Variants in ZNF277 observed in about 807,000 individuals in gnomAD.
ZNF277 encodes the protein zinc finger protein 277.
Under a neutral mutation model 60.7 loss-of-function variants are expected in ZNF277, and 55 were observed. The observed-to-expected ratio is 0.91, with a 90% CI of 0.73 to 1.13. The LOEUF is 1.13. ZNF277 is among the 50% of genes most tolerant of loss of function. The probability of loss-of-function intolerance (pLI) is 0.00; values close to 1 mark genes in which losing one functional copy is unlikely to be tolerated. For synonymous variants in ZNF277, 178 were observed against 179.3 expected, an observed-to-expected ratio of 0.99 and a Z score of 0.06; for missense variants, 510 against 523.0, an observed-to-expected ratio of 0.98 and a Z score of 0.24.
chr7:112,321,305 A>G (rs1295619630), intron 5 of ZNF277, among the ~76,000 whole-genome samples: 2 of 152,042 alleles, frequency 1.3e-5, no homozygotes, highest in African/African-American at 2.4e-5. Context: ...ATTGAAAACA[A>G]TCTGTTTCAG....
At chr7:112,301,222 C>T (rs1004313825) in intron 4 of ZNF277, among the ~76,000 whole-genome samples, 11 of 151,896 alleles carry the variant, frequency 7.2e-5, no homozygotes, top group Admixed American at 6.6e-4. Flanking sequence ...AGGCTGGTCT[C>T]GAACTCCTGG....
At chr7:112,241,201 C>T (rs1337426199) in intron 1 of ZNF277, among the ~76,000 whole-genome samples, 2 of 151,516 alleles carry the variant, frequency 1.3e-5, no homozygotes, top group African/African-American at 2.4e-5. Context: ...GAGCAAAAGA[C>T]CTAAGGAGAC....
At position 112,241,350 on chromosome 7, in the gene ZNF277, A is replaced by G. The variant is rs138816443; in HGVS notation, c.91+34543A>G. ...AGTTAAAATGGCTTTCATGCAAAAG[A>G]CAAGCAATAACAAATCCTGGCAAGG... On this transcript the variant is annotated intron_variant, in intron 1 of 11. Coordinates refer to ENST00000361822, the MANE Select transcript of ZNF277 (RefSeq NM_021994.3). 4.1e-3 allele frequency among the ~76,000 whole-genome samples: 625 copies of G among 152,262 alleles called. 3 individuals carry two copies. Among genetic ancestry groups the G allele is most frequent in the African/African-American group, 0.014 (574 of 41,558 alleles).
intron 1 of ZNF277, among the ~76,000 whole-genome samples, chr7:112,245,594 G>A (rs540717470): frequency 9.5e-4 from 145 of 152,286 alleles, no homozygotes; most frequent in Admixed American, 1.7e-3. Context: ...CTTCTCGACT[G>A]TGAGGGAGAA....
chr7:112,274,065 T>C (rs1791740822), intron 1 of ZNF277, among the ~76,000 whole-genome samples: 1 of 151,370 alleles, frequency 6.6e-6, no homozygotes, highest in African/African-American at 2.4e-5. Flanking sequence ...ATATATCTTG[T>C]TAGAAAAGTT....
intron 9 of ZNF277, 59 bp from the exon 10 acceptor site, chr7:112,339,784 C>G (rs2117145838): frequency 2.0e-6 from 3 of 1,529,700 alleles, no homozygotes; most frequent in Non-Finnish European, 2.7e-6. Context: ...TTGTTTATAA[C>G]TTCAGCCTGA....
intron 1 of ZNF277, among the ~76,000 whole-genome samples, chr7:112,275,388 T>A (rs1180346954): frequency 6.6e-6 from 1 of 152,182 alleles, no homozygotes; most frequent in African/African-American, 2.4e-5. Flanking sequence ...AAATGAAATG[T>A]CTTTGATGTG....
chr7:112,220,251 A>G (rs1261934431), intron 1 of ZNF277, among the ~76,000 whole-genome samples: 1 of 151,430 alleles, frequency 6.6e-6, no homozygotes, highest in African/African-American at 2.4e-5. Context: ...TTTTCCCTGT[A>G]CAGATCTTAC....
intron 1 of ZNF277, among the ~76,000 whole-genome samples, chr7:112,244,798 TTC>T (rs1381995942): frequency 3.9e-5 from 6 of 152,260 alleles, no homozygotes; most frequent in African/African-American, 9.6e-5. Flanking sequence ...AACCTACACT[TTC>T]TGTTTGTAAC....
At chr7:112,282,536 A>T (rs1173869314) in intron 1 of ZNF277, among the ~76,000 whole-genome samples, 1 of 152,246 alleles carries the variant, frequency 6.6e-6, no homozygotes, top group Non-Finnish European at 1.5e-5. Flanking sequence ...GCTTCGCCTT[A>T]ACTCCCTGTA....
chr7:112,328,791 A>G (rs1793159595), intron 6 of ZNF277, among the ~76,000 whole-genome samples: 1 of 151,944 alleles, frequency 6.6e-6, no homozygotes, highest in Non-Finnish European at 1.5e-5. Context: ...AATCGCTTGA[A>G]CCCGGGAGGC....
intron 4 of ZNF277, 80 bp from the exon 5 acceptor site, chr7:112,318,102 T>G: frequency 8.6e-7 from 1 of 1,156,994 alleles, no homozygotes; most frequent in Admixed American, 1.8e-5. Flanking sequence ...CAGCCCAGTT[T>G]CCTCCCATCC....
At chr7:112,325,048 G>A (rs1028472986) in intron 5 of ZNF277, among the ~76,000 whole-genome samples, 2 of 152,100 alleles carry the variant, frequency 1.3e-5, no homozygotes, top group African/African-American at 4.8e-5. Flanking sequence ...CATCCTCACA[G>A]ACACACCTAG....
intron 1 of ZNF277, among the ~76,000 whole-genome samples, chr7:112,243,646 G>T (rs1323973625): frequency 6.6e-6 from 1 of 152,002 alleles, no homozygotes; most frequent in Non-Finnish European, 1.5e-5. Flanking sequence ...ACAAGAGTCA[G>T]GATGGCTATA....
At chr7:112,316,546 G>A (rs1301180507) in intron 4 of ZNF277, among the ~76,000 whole-genome samples, 1 of 152,056 alleles carries the variant, frequency 6.6e-6, no homozygotes, top group African/African-American at 2.4e-5. Context: ...TCTTTTGCTT[G>A]CAGAAGCTTT....
intron 8 of ZNF277, among the ~76,000 whole-genome samples, chr7:112,337,053 GA>G (rs1793348624): frequency 6.6e-6 from 1 of 152,136 alleles, no homozygotes; most frequent in African/African-American, 2.4e-5. Flanking sequence ...AGCTTGCCAT[GA>G]AAAATTCTCT....
intron 1 of ZNF277, among the ~76,000 whole-genome samples, chr7:112,233,262 T>C (rs1282860272): frequency 6.6e-6 from 1 of 152,188 alleles, no homozygotes; most frequent in African/African-American, 2.4e-5. Context: ...AGATTAGACA[T>C]GTGCCTGCTA....
intron 1 of ZNF277, among the ~76,000 whole-genome samples, chr7:112,259,854 T>C (rs558523941): frequency 6.6e-6 from 1 of 152,294 alleles, no homozygotes; most frequent in East Asian, 1.9e-4. Flanking sequence ...CCAGGTACCA[T>C]ATCAACAGAT....
intron 1 of ZNF277, among the ~76,000 whole-genome samples, chr7:112,226,707 A>G (rs897328415): frequency 3.9e-5 from 6 of 152,184 alleles, no homozygotes; most frequent in African/African-American, 1.2e-4. Flanking sequence ...ATTGACTTCA[A>G]GAATGTAGGT....
Sources: allele counts gnomAD v4.1 joint callset (sites outside exome capture counted in the v4.1 genomes callset), GRCh38; gene constraint gnomAD v4.1.1; transcripts MANE v1.5; gene names NCBI Gene and HGNC (gene_info 2026-07-23, HGNC 2026-07-21).